CRMP1: variants seen among roughly 807,000 people sequenced by gnomAD.
CRMP1 encodes the protein collapsin response mediator protein 1, also known as dihydropyrimidinase-related protein 1.
In CRMP1, 19 loss-of-function variants were observed where a neutral mutation model predicts 68.3. The ratio of observed to expected loss-of-function variants is 0.28; its 90% CI spans 0.19 to 0.41. The LOEUF is 0.41. CRMP1 is among the 10% of genes least tolerant of loss of function. CRMP1 has a pLI of 1.00. For synonymous variants in CRMP1, 439 were observed against 399.6 expected (o/e 1.10, Z -1.18); for missense variants, 791 against 967.4 (o/e 0.82, Z 2.42).
rs186706172 is a variant in CRMP1 at position 5,854,078 on chromosome 4, A to G, written c.820+2065T>C. The stretch of plus-strand genomic sequence containing the variant: ...CCACTGCCACTCCAGAGACCCTCCC[A>G]TCTCAGTGAGGGGCGTCCTAAACGA... On this transcript the variant is annotated intron_variant, in intron 4 of 13. Transcript: ENST00000324989. This position sits in a 1 kb window ranked among gnomAD's most constrained non-coding sequence, Gnocchi z 4.0. Among the ~76,000 whole-genome samples the G allele has an allele frequency of 6.6e-6, 1 of 152,252 alleles. No individual in the cohort carries two copies. The highest frequency in any genetic ancestry group is 2.4e-5 in the African/African-American group (1 of 41,564).
Position 5,888,103 on chromosome 4 carries a change from C to G in CRMP1, c.381+4486G>C, listed in dbSNP as rs1412857472. 2 of 1,127,630 alleles carry G rather than the reference C, an allele frequency of 1.8e-6. No homozygotes were observed. The highest frequency in any genetic ancestry group is 4.6e-5 in the South Asian group (1 of 21,948). 69.9% of individuals were successfully genotyped at this position (1,127,630 alleles called of 1,614,324 possible). A position where few individuals can be genotyped will look rare whatever the true frequency, so the allele number is the denominator to read the frequency against. On this transcript the variant is annotated intron_variant, in intron 1 of 13. Transcript: ENST00000324989. The surrounding 1 kb of genome is among the most constrained non-coding windows in gnomAD (Gnocchi z 6.4). Reference sequence around the variant, plus strand: ...AAATCCCGAGACCGGCCCCGCCCCACCCGCGGCGACGCAGGAGGCCTCGGG... The same window carrying G: ...AAATCCCGAGACCGGCCCCGCCCCAGCCGCGGCGACGCAGGAGGCCTCGGG...
rs1267434448 is a variant in CRMP1, at chr4:5,842,915, C to A, written c.1032+178G>T. Among the ~76,000 whole-genome samples the A allele has an allele frequency of 6.6e-6, 1 of 152,186 alleles. No individual in the cohort carries two copies. The highest frequency in any genetic ancestry group is 1.5e-5 in the Non-Finnish European group (1 of 68,032). ...ACCCTGGGAGAGGCAGCACCTCTTC[C>A]TGTCTTCTCCAGCCAGCAGTCCCCA... is the stretch of plus-strand genomic sequence containing the variant. On this transcript the variant is annotated intron_variant, in intron 7 of 13. Transcript: ENST00000324989. This position sits in a 1 kb window ranked among gnomAD's most constrained non-coding sequence, Gnocchi z 4.5.
rs1715867927 is a variant in CRMP1, at chr4:5,890,027, ACT to A, written c.381+2560_381+2561del. 1 of 771,464 alleles carries A rather than the reference ACT, an allele frequency of 1.3e-6. No homozygotes were observed. 47.8% of individuals were successfully genotyped at this position (771,464 alleles called of 1,614,324 possible). On this transcript the variant is annotated intron_variant, in intron 1 of 13. Transcript: ENST00000324989. The surrounding 1 kb of genome is among the most constrained non-coding windows in gnomAD (Gnocchi z 5.5). Reference sequence around the variant, plus strand: ...GCATGGAGATGCCAGGTTCCCCTACACTCTGTTTACAACTCATTTCCCTCCAC... The same window carrying A: ...GCATGGAGATGCCAGGTTCCCCTACACTGTTTACAACTCATTTCCCTCCAC...
chr4:5,848,841 G>A (rs1417130847), intron 6 of CRMP1, among the ~76,000 whole-genome samples: 1 of 152,096 alleles, frequency 6.6e-6, no homozygotes, highest in East Asian at 1.9e-4. Flanking sequence ...TCCTTATAAA[G>A]CCACTAATCC....
chr4:5,886,492 C>T (rs1001251683), intron 1 of CRMP1, among the ~76,000 whole-genome samples: 1 of 152,260 alleles, frequency 6.6e-6, no homozygotes, highest in African/African-American at 2.4e-5. Context: ...GGCATCTCCA[C>T]TCCAGAGGGC....
intron 10 of CRMP1, among the ~76,000 whole-genome samples, chr4:5,836,289 G>T (rs141638760): frequency 1.7e-3 from 257 of 152,326 alleles, no homozygotes; most frequent in Non-Finnish European, 2.4e-3. Context: ...ACAGAGGTAT[G>T]TTGACGCAAG....
chr4:5,858,760 C>T lies in CRMP1; in HGVS notation c.655+2266G>A, dbSNP rs1307826542. ...ATATGAGAAAGAGCCACAGCCTCAT[C>T]AGGCCATCGAGGCCCAGGGTTGTCC... is the stretch of plus-strand genomic sequence containing the variant. On this transcript the variant is annotated intron_variant, in intron 3 of 13. Coordinates refer to ENST00000324989, the MANE Select transcript of CRMP1 (RefSeq NM_001014809.3). This position sits in a 1 kb window ranked among gnomAD's most constrained non-coding sequence, Gnocchi z 5.5. 2.0e-5 allele frequency among the ~76,000 whole-genome samples: 3 copies of T among 152,194 alleles called. No individual in the cohort carries two copies. The highest frequency in any genetic ancestry group is 4.4e-5 in the Non-Finnish European group (3 of 68,028).
Position 5,872,330 on chromosome 4 carries a change from C to G in CRMP1, c.382-5574G>C, listed in dbSNP as rs1442130186. Among the ~76,000 whole-genome samples, 3 of 152,100 alleles carry G rather than the reference C, an allele frequency of 2.0e-5. No homozygotes were observed. The highest frequency in any genetic ancestry group is 7.2e-5 in the African/African-American group (3 of 41,412). On this transcript the variant is annotated intron_variant, in intron 1 of 13. Transcript: ENST00000324989. The surrounding 1 kb of genome is among the most constrained non-coding windows in gnomAD (Gnocchi z 4.6). The stretch of plus-strand genomic sequence containing the variant: ...TACCGGTGCCGTCTATTGCCTCTCA[C>G]GGGGTTACTGTGAGGGGAAAACAGC...
At chr4:5,882,031 C>T (rs764537086) in intron 1 of CRMP1, among the ~76,000 whole-genome samples, 7 of 152,166 alleles carry the variant, frequency 4.6e-5, no homozygotes, top group Non-Finnish European at 1.0e-4. Flanking sequence ...TTCTTCCAAA[C>T]CCAATCGCTG....
chr4:5,836,496 G>A (rs1720736201), intron 10 of CRMP1, among the ~76,000 whole-genome samples: 1 of 152,174 alleles, frequency 6.6e-6, no homozygotes, highest in African/African-American at 2.4e-5. Flanking sequence ...ATTTCCACAG[G>A]AACTAAGACG....
chr4:5,838,179 A>C lies in CRMP1; in HGVS notation c.1311-1273T>G, dbSNP rs1720856644. ...GCGTCTAAGAAAGAGGGAACTAGCC[A>C]GGGGTTCCCATGAGTGTAAAGGCCC... On this transcript the variant is annotated intron_variant, in intron 9 of 13. Transcript: ENST00000324989. This position sits in a 1 kb window ranked among gnomAD's most constrained non-coding sequence, Gnocchi z 4.9. 6.6e-6 allele frequency among the ~76,000 whole-genome samples: 1 copy of C among 152,172 alleles called. No individual in the cohort carries two copies. The highest frequency in any genetic ancestry group is 6.5e-5 in the Admixed American group (1 of 15,286).
chr4:5,827,678 G>C (rs1719871630), intron 12 of CRMP1, among the ~76,000 whole-genome samples: 2 of 151,690 alleles, frequency 1.3e-5, no homozygotes, highest in South Asian at 2.1e-4. Context: ...ATACACACGT[G>C]CATGCATGTA....
Position 5,865,862 on chromosome 4 carries a change from C to T in CRMP1, c.470+806G>A, listed in dbSNP as rs967459095. ...GACCCCAGGAGTGTGCACACACACACACAGAAAGGGCCCTGTGAGGACAGC... is the reference window on the plus strand; with the variant it reads ...GACCCCAGGAGTGTGCACACACACATACAGAAAGGGCCCTGTGAGGACAGC... On this transcript the variant is annotated intron_variant, in intron 2 of 13. Transcript: ENST00000324989. The surrounding 1 kb of genome is among the most constrained non-coding windows in gnomAD (Gnocchi z 4.1). Among the ~76,000 whole-genome samples, 1 of 152,040 alleles carries T rather than the reference C, an allele frequency of 6.6e-6. No individual in the cohort carries two copies. The highest frequency in any genetic ancestry group is 1.5e-5 in the Non-Finnish European group (1 of 68,016).
In CRMP1 at chr4:5,892,632, C is replaced by T; in HGVS notation, c.338G>A (p.Arg113His). Residue 113 changes from arginine to histidine, a missense_variant, in exon 1 of 14, where the codon CGC becomes CAC. Transcript: ENST00000324989. The surrounding 1 kb of genome is among the most constrained non-coding windows in gnomAD (Gnocchi z 8.6). ...GAGGGGCAGGTCGCGGGGCGCGGGG[C>T]GGCGGATGCGCAGCGTCGGCGGCCG... ...DERPPTLRIR[R>H]PAPRDLPLGR... The T allele has an allele frequency of 4.2e-6, 5 of 1,192,556 alleles. No homozygotes were observed. Among genetic ancestry groups the T allele is most frequent in the East Asian group, 3.6e-5 (1 of 27,534 alleles). 73.9% of individuals were successfully genotyped at this position (1,192,556 alleles called of 1,614,324 possible).
intron 6 of CRMP1, among the ~76,000 whole-genome samples, chr4:5,847,661 T>A (rs1176193104): frequency 6.6e-6 from 1 of 152,184 alleles, no homozygotes; most frequent in Non-Finnish European, 1.5e-5. Flanking sequence ...ACCTTAATGG[T>A]GAAGCTTTAG....
Position 5,825,195 on chromosome 4 carries a change from G to C in CRMP1, c.1969+299C>G. 3 of 985,386 alleles carry C rather than the reference G, an allele frequency of 3.0e-6. No individual in the cohort carries two copies. The highest frequency in any genetic ancestry group is 2.3e-4 in the East Asian group (2 of 8,810). 61.0% of individuals were successfully genotyped at this position (985,386 alleles called of 1,614,324 possible). A position where few individuals can be genotyped will look rare whatever the true frequency, so the allele number is the denominator to read the frequency against. ...TCCATGTTTACTTTCATGAGGAAGA[G>C]TGTGAAAGTGTCCCCAAATGTGTGT... On this transcript the variant is annotated intron_variant, in intron 13 of 13. Transcript: ENST00000324989. This position sits in a 1 kb window ranked among gnomAD's most constrained non-coding sequence, Gnocchi z 4.4.
Position 5,889,971 on chromosome 4 carries a change from G to A in CRMP1, c.381+2618C>T, listed in dbSNP as rs1270785116. 7.9e-6 allele frequency: 10 copies of A among 1,258,640 alleles called. No individual in the cohort carries two copies. 78.0% of individuals were successfully genotyped at this position (1,258,640 alleles called of 1,614,324 possible). ...TTACAGAGGTAAAATGATGTACCCC[G>A]GGTGCAAAACATATTAGCTGCAGCA... is the stretch of plus-strand genomic sequence containing the variant. On this transcript the variant is annotated intron_variant, in intron 1 of 13. Coordinates refer to ENST00000324989, the MANE Select transcript of CRMP1 (RefSeq NM_001014809.3). The surrounding 1 kb of genome is among the most constrained non-coding windows in gnomAD (Gnocchi z 4.5).
chr4:5,821,614 TA>T lies in CRMP1; in HGVS notation c.*145del. ...ACACCACACTAGTACCACTTCTTCC[TA>T]AACAGAAAAGGGAAAGAGCATCCTT... is the stretch of plus-strand genomic sequence containing the variant. On this transcript the variant is annotated 3_prime_UTR_variant, in exon 14 of 14. Transcript: ENST00000324989. The surrounding 1 kb of genome is among the most constrained non-coding windows in gnomAD (Gnocchi z 4.4). 1 of 788,840 alleles carries T rather than the reference TA, an allele frequency of 1.3e-6. No homozygotes were observed. The highest frequency in any genetic ancestry group is 2.0e-6 in the Non-Finnish European group (1 of 497,142). The allele number at this position is 788,840 out of a possible 1,614,324, so 48.9% of individuals were successfully genotyped here. A position where few individuals can be genotyped will look rare whatever the true frequency, so the allele number is the denominator to read the frequency against.
rs575737396 is a variant in CRMP1 at position 5,829,029 on chromosome 4, A to T, written c.1624-361T>A. Among the ~76,000 whole-genome samples the T allele has an allele frequency of 3.9e-5, 6 of 152,108 alleles. No homozygotes were observed. The East Asian group carries it at 5.8e-4, about 15-fold the overall frequency. The stretch of plus-strand genomic sequence containing the variant: ...TACTTAAAATGTGTCTTTAAATAAA[A>T]TTTTTTTCTCTAGGTTTCTAAAATC... On this transcript the variant is annotated intron_variant, in intron 11 of 13. Transcript: ENST00000324989.
Sources: allele counts gnomAD v4.1 joint callset (sites outside exome capture counted in the v4.1 genomes callset), GRCh38; gene constraint gnomAD v4.1.1; non-coding constraint Gnocchi (gnomAD v3.1); transcripts MANE v1.5; gene names NCBI Gene and HGNC (gene_info 2026-07-23, HGNC 2026-07-21).